BRINP2: variants seen among roughly 807,000 people sequenced by gnomAD.
BRINP2 encodes the protein BMP/retinoic acid-inducible neural-specific protein 2.
In BRINP2, 21 loss-of-function variants were observed where a neutral mutation model predicts 69.2. That is an observed-to-expected ratio of 0.30 (90% CI 0.22 to 0.44). The LOEUF (loss-of-function observed/expected upper bound fraction) is 0.44, where lower values mean the gene tolerates loss of function less well. Among genes scored for constraint, BRINP2 ranks in the 20% least tolerant of loss-of-function variants. The probability of loss-of-function intolerance (pLI) is 1.00; values close to 1 mark genes in which losing one functional copy is unlikely to be tolerated. For synonymous variants in BRINP2, 380 were observed against 394.1 expected, an observed-to-expected ratio of 0.96 and a Z score of 0.42; for missense variants, 877 against 986.0, an observed-to-expected ratio of 0.89 and a Z score of 1.48.
chr1:177,225,439 G>A (rs917060759), intron 1 of BRINP2, among the ~76,000 whole-genome samples: 2 of 152,176 alleles, frequency 1.3e-5, no homozygotes, highest in African/African-American at 4.8e-5. Context: ...AACTCACTTA[G>A]CCATTACTTT....
intron 1 of BRINP2, among the ~76,000 whole-genome samples, chr1:177,217,586 C>T (rs1041049079): frequency 4.6e-5 from 7 of 151,968 alleles, no homozygotes; most frequent in East Asian, 1.9e-4. Context: ...ATCCTTGTAT[C>T]GGTGTTTATG....
chr1:177,213,900 T>G (rs900621466), intron 1 of BRINP2, among the ~76,000 whole-genome samples: 4 of 152,256 alleles, frequency 2.6e-5, no homozygotes, highest in African/African-American at 9.6e-5. Context: ...TTTTTTAACT[T>G]TCTTAAAAGG....
At chr1:177,278,302 G>A (rs941376959) in intron 6 of BRINP2, among the ~76,000 whole-genome samples, 4 of 150,864 alleles carry the variant, frequency 2.7e-5, no homozygotes, top group Non-Finnish European at 4.4e-5. Flanking sequence ...CCCCTCTGAG[G>A]GTGGCAGAGA....
intron 1 of BRINP2, among the ~76,000 whole-genome samples, chr1:177,176,549 A>G (rs897221295): frequency 7.4e-6 from 1 of 134,926 alleles, no homozygotes; most frequent in African/African-American, 3.2e-5. Flanking sequence ...TATTATTATT[A>G]TTATTTTTGG....
intron 1 of BRINP2, among the ~76,000 whole-genome samples, chr1:177,207,934 G>T (rs1347281718): frequency 6.6e-6 from 1 of 152,186 alleles, no homozygotes; most frequent in East Asian, 1.9e-4. Flanking sequence ...TCAGGCCAGA[G>T]TGGCCAGCAG....
At chr1:177,210,940 CATTT>C (rs1450754496) in intron 1 of BRINP2, among the ~76,000 whole-genome samples, 2 of 148,926 alleles carry the variant, frequency 1.3e-5, no homozygotes, top group African/African-American at 2.5e-5. Flanking sequence ...AAATTAGGTG[CATTT>C]ATTTCTTTTT....
intron 4 of BRINP2, among the ~76,000 whole-genome samples, chr1:177,266,758 T>TAAAAAA (rs1223096305): frequency 3.4e-5 from 2 of 59,336 alleles, no homozygotes; most frequent in East Asian, 4.6e-4. Flanking sequence ...AGACTCACTC[T>TAAAAAA]AAAAAAAAAA....
At chr1:177,218,396 A>G (rs1045045633) in intron 1 of BRINP2, among the ~76,000 whole-genome samples, 1 of 152,150 alleles carries the variant, frequency 6.6e-6, no homozygotes, top group African/African-American at 2.4e-5. Flanking sequence ...ACCCACAGAT[A>G]CCTCTGATTG....
rs752900576 is a variant in BRINP2, at chr1:177,171,549, AGG to A, written c.-256_-255del. On this transcript the variant is annotated 5_prime_UTR_variant, in exon 1 of 8. Coordinates refer to ENST00000361539, the MANE Select transcript of BRINP2 (RefSeq NM_021165.4). ...GACATCCGCTCCCTCTCACACGCTG[AGG>A]GGGAGGCATTCGCGTTTCCCCAAAT... is the stretch of plus-strand genomic sequence containing the variant. 3 of 153,156 alleles carry A rather than the reference AGG, an allele frequency of 2.0e-5. No individual in the cohort carries two copies. Among genetic ancestry groups the A allele is most frequent in the Non-Finnish European group, 4.4e-5 (3 of 68,206 alleles). The allele number at this position is 153,156 out of a possible 1,614,324, so 9.5% of individuals were successfully genotyped here. A position where few individuals can be genotyped will look rare whatever the true frequency, so the allele number is the denominator to read the frequency against.
intron 1 of BRINP2, among the ~76,000 whole-genome samples, chr1:177,192,474 G>C (rs1435798945): frequency 3.9e-5 from 6 of 152,158 alleles, no homozygotes; most frequent in Non-Finnish European, 7.3e-5. Context: ...TGTGAAAGCT[G>C]TTTGGTTTCC....
chr1:177,178,040 C>G (rs1486430988), intron 1 of BRINP2, among the ~76,000 whole-genome samples: 1 of 152,192 alleles, frequency 6.6e-6, no homozygotes, highest in African/African-American at 2.4e-5. Flanking sequence ...GCTCTGCTTT[C>G]TCTCACACTG....
chr1:177,264,716 A>G (rs1216816697), intron 4 of BRINP2, among the ~76,000 whole-genome samples: 1 of 152,228 alleles, frequency 6.6e-6, no homozygotes, highest in Non-Finnish European at 1.5e-5. Context: ...TTCTACAAAG[A>G]GAATAAAATA....
chr1:177,248,871 C>T (rs897485197), intron 2 of BRINP2, among the ~76,000 whole-genome samples: 5 of 152,172 alleles, frequency 3.3e-5, no homozygotes, highest in Admixed American at 2.0e-4. Context: ...GTATTCTCAT[C>T]GGAGACCCTT....
intron 1 of BRINP2, among the ~76,000 whole-genome samples, chr1:177,229,211 C>A (rs1213160157): frequency 1.3e-5 from 2 of 152,198 alleles, no homozygotes; most frequent in Non-Finnish European, 2.9e-5. Context: ...ATTAACTCTT[C>A]AAGGCTGTCT....
Position 177,219,306 on chromosome 1 carries a change from T to C in BRINP2, c.-76-10495T>C, listed in dbSNP as rs543486872. Among the ~76,000 whole-genome samples the C allele has an allele frequency of 5.3e-5, 8 of 152,328 alleles. No homozygotes were observed. The South Asian group carries it at 1.7e-3, about 32-fold the overall frequency. ...CTTACTTCTGCTATCCCCCTAGCTTTCCACTAATACCAGTCAAAAGCCTAT... is the reference window on the plus strand; with the variant it reads ...CTTACTTCTGCTATCCCCCTAGCTTCCCACTAATACCAGTCAAAAGCCTAT... On this transcript the variant is annotated intron_variant, in intron 1 of 7. Coordinates refer to ENST00000361539, the MANE Select transcript of BRINP2 (RefSeq NM_021165.4).
At chr1:177,181,519 C>G (rs1047268232) in intron 1 of BRINP2, among the ~76,000 whole-genome samples, 3 of 152,122 alleles carry the variant, frequency 2.0e-5, no homozygotes, top group Non-Finnish European at 4.4e-5. Flanking sequence ...TCTGGCAGGC[C>G]GGGGGACTGG....
At chr1:177,199,647 C>T (rs999386624) in intron 1 of BRINP2, among the ~76,000 whole-genome samples, 8 of 152,146 alleles carry the variant, frequency 5.3e-5, no homozygotes, top group African/African-American at 1.9e-4. Flanking sequence ...GTGAAAAGAA[C>T]TTCTCAGCAT....
At chr1:177,216,424 G>C (rs1261711148) in intron 1 of BRINP2, among the ~76,000 whole-genome samples, 1 of 151,906 alleles carries the variant, frequency 6.6e-6, no homozygotes, top group Non-Finnish European at 1.5e-5. Flanking sequence ...TGTCTGAATT[G>C]TATCTTTTTT....
chr1:177,227,810 T>C (rs1353645128), intron 1 of BRINP2, among the ~76,000 whole-genome samples: 7 of 152,180 alleles, frequency 4.6e-5, no homozygotes, highest in Non-Finnish European at 7.3e-5. Context: ...TATAAAAAGG[T>C]TTATTTCTGA....
Sources: gnomAD v4.1 joint callset for allele counts (sites outside exome capture counted in the v4.1 genomes callset) on GRCh38, gnomAD v4.1.1 for gene constraint, MANE v1.5 for transcripts, NCBI Gene and HGNC (gene_info 2026-07-23, HGNC 2026-07-21) for gene names.